The following AOPEP variants were observed in gnomAD, a reference collection of about 807,000 sequenced individuals.
The protein encoded by AOPEP is aminopeptidase O.
In AOPEP, 77 loss-of-function variants were observed where a neutral mutation model predicts 98.1. The observed-to-expected ratio is 0.78, with a 90% CI of 0.65 to 0.95. The LOEUF (loss-of-function observed/expected upper bound fraction) is 0.95. AOPEP is among the 40% of genes least tolerant of loss of function. The probability of loss-of-function intolerance (pLI) is 0.00; values close to 1 mark genes in which losing one functional copy is unlikely to be tolerated. For missense variants in AOPEP, 1,024 were observed against 1,024.7 expected, an observed-to-expected ratio of 1.00 and a Z score of 0.01; for synonymous variants, 346 against 365.3, an observed-to-expected ratio of 0.95 and a Z score of 0.60.
chr9:94,894,636 A>T (rs1028194057), intron 5 of AOPEP, among the ~76,000 whole-genome samples: 1 of 152,228 alleles, frequency 6.6e-6, no homozygotes, highest in African/African-American at 2.4e-5. Flanking sequence ...AATTTCAATA[A>T]ACAGGTCAGT....
chr9:95,044,945 A>C (rs1344332902), intron 13 of AOPEP, among the ~76,000 whole-genome samples: 1 of 152,216 alleles, frequency 6.6e-6, no homozygotes, highest in African/African-American at 2.4e-5. Flanking sequence ...CTCTCGGCAC[A>C]CATCTCAGGC....
chr9:95,034,807 C>G (rs2133429863), intron 13 of AOPEP, among the ~76,000 whole-genome samples: 1 of 152,290 alleles, frequency 6.6e-6, no homozygotes, highest in Admixed American at 6.5e-5. Context: ...ACAGATCTCT[C>G]AGAAGAGGAG....
At chr9:94,943,291 A>G (rs898345099) in intron 7 of AOPEP, among the ~76,000 whole-genome samples, 5 of 152,234 alleles carry the variant, frequency 3.3e-5, no homozygotes, top group African/African-American at 1.2e-4. Context: ...CAAATGACCC[A>G]ATTAAAAAAT....
At chr9:95,109,791 A>G in the AOPEP span, 1 of 152,264 alleles carries the variant, frequency 6.6e-6, no homozygotes, top group Non-Finnish European at 1.5e-5. Context: ...AGATACTGCT[A>G]ATTTCAATTC....
chr9:94,851,400 A>G (rs1036005177), intron 5 of AOPEP, among the ~76,000 whole-genome samples: 3 of 152,182 alleles, frequency 2.0e-5, no homozygotes, highest in African/African-American at 4.8e-5. Context: ...GATCAAAAAC[A>G]TGTAATAGAA....
In AOPEP at chr9:94,855,440, G is replaced by A. The variant is rs1052907829; in HGVS notation, c.1364+54438G>A. Among the ~76,000 whole-genome samples the A allele has an allele frequency of 2.0e-5, 3 of 152,166 alleles. No homozygotes were observed. The South Asian group carries it at 6.2e-4, about 31-fold the overall frequency. On this transcript the variant is annotated intron_variant, in intron 5 of 16. Coordinates refer to ENST00000375315, the MANE Select transcript of AOPEP (RefSeq NM_001193329.3). ...GCGGTGGCTCACGCCTGTAATCCCAGCAGTTTGGGAGGCTGAGGCGGGCGG... is the reference window on the plus strand; with the variant it reads ...GCGGTGGCTCACGCCTGTAATCCCAACAGTTTGGGAGGCTGAGGCGGGCGG...
At chr9:94,983,597 A>C (rs1188626147) in intron 11 of AOPEP, among the ~76,000 whole-genome samples, 6 of 152,098 alleles carry the variant, frequency 3.9e-5, no homozygotes, top group Non-Finnish European at 8.8e-5. Flanking sequence ...ATGGATTTAG[A>C]ACAAACTCCT....
intron 9 of AOPEP, among the ~76,000 whole-genome samples, chr9:94,962,778 G>A (rs2058937692): frequency 6.9e-6 from 1 of 144,718 alleles, no homozygotes; most frequent in Non-Finnish European, 1.5e-5. Flanking sequence ...TGTCACCCAG[G>A]CTGGAGTGCA....
intron 13 of AOPEP, among the ~76,000 whole-genome samples, chr9:95,053,954 A>T (rs2066609765): frequency 6.6e-6 from 1 of 152,162 alleles, no homozygotes; most frequent in African/African-American, 2.4e-5. Flanking sequence ...AGCTCAAGCC[A>T]TTCTCCTGTC....
chr9:95,141,745 G>A, the AOPEP span, among the ~76,000 whole-genome samples: 2 of 152,096 alleles, frequency 1.3e-5, no homozygotes, highest in Non-Finnish European at 2.9e-5. Flanking sequence ...TAATACATAA[G>A]TTAGTCAAGA....
At chr9:95,024,156 G>A (rs530425807) in intron 13 of AOPEP, among the ~76,000 whole-genome samples, 42 of 152,242 alleles carry the variant, frequency 2.8e-4, no homozygotes, top group African/African-American at 9.6e-4. Flanking sequence ...TCAGCCAGCC[G>A]GCTCTATCAT....
At chr9:95,085,881 AG>A (rs1316987510) in intron 16 of AOPEP, 5 of 1,194,280 alleles carry the variant, frequency 4.2e-6, no homozygotes, top group Non-Finnish European at 5.3e-6. Context: ...GGGCTTTCGG[AG>A]GAGCTCCTGT....
Position 94,760,309 on chromosome 9 carries a change from C to T in AOPEP, c.526C>T (p.Leu176Phe). 1 of 1,614,174 alleles carries T rather than the reference C, an allele frequency of 6.2e-7. No homozygotes were observed. Among genetic ancestry groups the T allele is most frequent in the South Asian group, 1.1e-5 (1 of 91,078 alleles). The change falls in exon 2 of 17, where the codon CTC (leucine) becomes TTC (phenylalanine). Residue 176 changes from leucine to phenylalanine, a missense_variant. By Grantham distance (22) the Leu-to-Phe change is conservative (BLOSUM62 0). Transcript: ENST00000375315. ...GGAAAAATTTACAAGGTCTCCTGAG[C>T]TCACGGTTGTTTCTGAGGAGTTCAG... ...GLEKFTRSPE[L>F]TVVSEEFRNQ...
chr9:94,771,165 A>T (rs1256262454), intron 2 of AOPEP, among the ~76,000 whole-genome samples: 1 of 152,180 alleles, frequency 6.6e-6, no homozygotes, highest in Non-Finnish European at 1.5e-5. Context: ...CCTTATAGAG[A>T]GGAGACCAAC....
intron 5 of AOPEP, among the ~76,000 whole-genome samples, chr9:94,854,086 A>G (rs539944412): frequency 5.1e-4 from 77 of 152,312 alleles, no homozygotes; most frequent in African/African-American, 1.8e-3. Context: ...ATGAAGGAGA[A>G]TGAAAAAGGT....
At chr9:95,069,415 G>A (rs1033236034) in intron 14 of AOPEP, among the ~76,000 whole-genome samples, 2 of 152,066 alleles carry the variant, frequency 1.3e-5, no homozygotes, top group African/African-American at 4.8e-5. Context: ...AAAGAAGGTA[G>A]GGTGTATTAT....
At chr9:95,061,610 A>G (rs541143911) in intron 14 of AOPEP, among the ~76,000 whole-genome samples, 4 of 152,378 alleles carry the variant, frequency 2.6e-5, no homozygotes, top group African/African-American at 7.2e-5. Context: ...GAAGAAAGAC[A>G]AAATAACTTA....
intron 7 of AOPEP, among the ~76,000 whole-genome samples, chr9:94,938,269 A>G (rs1200360141): frequency 6.6e-6 from 1 of 152,226 alleles, no homozygotes; most frequent in Admixed American, 6.5e-5. Flanking sequence ...AGTGCACCAC[A>G]GTGCTTGGCA....
Position 94,973,605 on chromosome 9 carries a change from A to G in AOPEP, c.1917-5762A>G, listed in dbSNP as rs555819993. Among the ~76,000 whole-genome samples, 621 of 152,350 alleles carry G rather than the reference A, an allele frequency of 4.1e-3. 2 individuals carry two copies. The highest frequency in any genetic ancestry group is 7.4e-3 in the Non-Finnish European group (503 of 68,038). On this transcript the variant is annotated intron_variant, in intron 10 of 16. Transcript: ENST00000375315. ...GCCCTATAGGATGTGGGGGTGCACC[A>G]GGGAACAGCCAGCCAGAGGGCAAAG... is the stretch of plus-strand genomic sequence containing the variant.
Sources: gnomAD v4.1 joint callset for allele counts (sites outside exome capture counted in the v4.1 genomes callset) on GRCh38, gnomAD v4.1.1 for gene constraint, MANE v1.5 for transcripts, NCBI Gene and HGNC (gene_info 2026-07-23, HGNC 2026-07-21) for gene names.